The following SETD4 variants were observed in gnomAD, a reference collection of about 807,000 sequenced individuals.
SETD4 encodes SET domain containing 4, also known as SET domain-containing protein 4.
SETD4 carries 46 observed loss-of-function variants against 58.3 expected under a neutral mutation model. The observed-to-expected ratio is 0.79, with a 90% CI of 0.62 to 1.01. The LOEUF (loss-of-function observed/expected upper bound fraction) is 1.01. SETD4 is among the 50% of genes least tolerant of loss of function. The pLI, the probability that SETD4 is intolerant of heterozygous loss-of-function variation, is 0.00. For synonymous variants in SETD4, 190 were observed against 202.6 expected, an observed-to-expected ratio of 0.94 and a Z score of 0.53; for missense variants, 490 against 523.3, an observed-to-expected ratio of 0.94 and a Z score of 0.62.
At chr21:36,046,428 T>C (rs925568214) in intron 5 of SETD4, among the ~76,000 whole-genome samples, 1 of 152,212 alleles carries the variant, frequency 6.6e-6, no homozygotes, top group Non-Finnish European at 1.5e-5. Context: ...CCATCCGATA[T>C]AGTAATCACT....
intron 1 of SETD4, chr21:36,059,684 T>C: frequency 1.1e-6 from 1 of 941,068 alleles, no homozygotes; most frequent in Non-Finnish European, 1.3e-6. Context: ...CGAGACTCTG[T>C]CACAAAAAAT....
chr21:36,046,157 C>T (rs2064318608), intron 5 of SETD4, 146 bp from the exon 6 acceptor site: 9 of 836,472 alleles, frequency 1.1e-5, no homozygotes, highest in Non-Finnish European at 9.1e-6. Flanking sequence ...TCCTTCCTTC[C>T]TTCCTTAAGG....
rs760268234 is a variant in SETD4 at position 36,058,940 on chromosome 21, G to A, written c.-36-16C>T. 1 of 1,526,582 alleles carries A rather than the reference G, an allele frequency of 6.6e-7. No homozygotes were observed. The highest frequency in any genetic ancestry group is 1.3e-5 in the South Asian group (1 of 77,556). The allele number at this position is 1,526,582 out of a possible 1,614,324, so 94.6% of individuals were successfully genotyped here. A position where few individuals can be genotyped will look rare whatever the true frequency, so the allele number is the denominator to read the frequency against. On this transcript the variant is annotated splice_polypyrimidine_tract_variant and intron_variant, in intron 1 of 11. Coordinates refer to ENST00000332131, the MANE Select transcript of SETD4 (RefSeq NM_017438.5). ...AAATACAGTTCTATTTTTTCAAAAA[G>A]GACAAAACTGTAATTTCTGTGGAAA...
intron 4 of SETD4, among the ~76,000 whole-genome samples, 197 bp from the exon 5 acceptor site, chr21:36,048,593 C>T (rs994330090): frequency 6.6e-6 from 1 of 152,100 alleles, no homozygotes; most frequent in Non-Finnish European, 1.5e-5. Context: ...TGCTCCAAGG[C>T]GAGGCCCCAC....
intron 4 of SETD4, among the ~76,000 whole-genome samples, chr21:36,052,672 G>A (rs1168404884): frequency 6.6e-6 from 1 of 151,138 alleles, no homozygotes; most frequent in Admixed American, 6.6e-5. Context: ...TTTAAAATAA[G>A]ATAATTTTTA....
At chr21:36,047,900 G>A (rs1171762551) in intron 5 of SETD4, among the ~76,000 whole-genome samples, 1 of 151,664 alleles carries the variant, frequency 6.6e-6, no homozygotes, top group African/African-American at 2.4e-5. Context: ...CAGCTACTTG[G>A]GAGGCTGAGG....
intron 10 of SETD4, among the ~76,000 whole-genome samples, chr21:36,037,255 C>CT (rs2063823462): frequency 6.6e-6 from 1 of 151,886 alleles, no homozygotes; most frequent in African/African-American, 2.4e-5. Flanking sequence ...CGATGTATAC[C>CT]TATTTTAAAA....
rs1010358241 is a variant in SETD4 at position 36,034,844 on chromosome 21, A to G, written c.*1149T>C. On this transcript the variant is annotated 3_prime_UTR_variant, in exon 12 of 12. Coordinates refer to ENST00000332131, the MANE Select transcript of SETD4 (RefSeq NM_017438.5). ...GAAGTCTGCCCACTCTCCATACAGC[A>G]TATGATGAAATACACTGCATTATAC... 6.6e-6 allele frequency: 1 copy of G among 152,184 alleles called. No individual in the cohort carries two copies. Among genetic ancestry groups the G allele is most frequent in the African/African-American group, 2.4e-5 (1 of 41,452 alleles). The allele number at this position is 152,184 out of a possible 1,614,324, so 9.4% of individuals were successfully genotyped here. A position where few individuals can be genotyped will look rare whatever the true frequency, so the allele number is the denominator to read the frequency against.
At chr21:36,050,913 G>A (rs552282766) in intron 4 of SETD4, 12 of 1,610,412 alleles carry the variant, frequency 7.5e-6, no homozygotes, top group Non-Finnish European at 9.3e-6. Flanking sequence ...CTGCTCATTA[G>A]GTGGTGTGGG....
rs2063756095 is a variant in SETD4 at position 36,035,720 on chromosome 21, CGT to C, written c.*271_*272del. On this transcript the variant is annotated 3_prime_UTR_variant, in exon 12 of 12. Transcript: ENST00000332131. The stretch of plus-strand genomic sequence containing the variant: ...GCTGTGTCAGATAAGAAGCAGGCCC[CGT>C]GGTGACAGACCACACACGGACGCAG... The C allele has an allele frequency of 4.0e-6, 1 of 252,136 alleles. No homozygotes were observed. The highest frequency in any genetic ancestry group is 2.3e-5 in the African/African-American group (1 of 42,738). The allele number at this position is 252,136 out of a possible 1,614,324, so 15.6% of individuals were successfully genotyped here.
chr21:36,053,352 C>T (rs2064812152), intron 4 of SETD4: 1 of 581,860 alleles, frequency 1.7e-6, no homozygotes, highest in Admixed American at 3.0e-5. Context: ...AAGCTTGTTT[C>T]TATGAGTGAG....
At chr21:36,057,967 C>A (rs1369025124) in intron 2 of SETD4, among the ~76,000 whole-genome samples, 1 of 152,184 alleles carries the variant, frequency 6.6e-6, no homozygotes, top group Non-Finnish European at 1.5e-5. Context: ...GATGGCCAAG[C>A]ACTTTTGTAT....
intron 5 of SETD4, among the ~76,000 whole-genome samples, chr21:36,046,374 A>G (rs1488614758): frequency 6.6e-6 from 1 of 152,236 alleles, no homozygotes; most frequent in Admixed American, 6.5e-5. Context: ...GTAAAGATAT[A>G]AAATATGGTG....
rs1456971964 is a variant in SETD4, at chr21:36,045,647, CAG to C, written c.659_660del (p.Ser220CysfsTer18). On this transcript the variant is annotated frameshift_variant, in exon 6 of 12. Transcript: ENST00000332131. LOFTEE classifies it high-confidence loss of function. ...YLRPRQRECL[S>X]AEPDTCALAP... ...GCGAGTGCACAGGTGTCCGGCTCTG[CAG>C]AAAGGCATTCCCGCTGCCTGGGCCT... 6 of 1,614,144 alleles carry C rather than the reference CAG, an allele frequency of 3.7e-6. No individual in the cohort carries two copies. Among genetic ancestry groups the C allele is most frequent in the Non-Finnish European group, 5.1e-6 (6 of 1,179,998 alleles).
At position 36,050,680 on chromosome 21, in the gene SETD4, T is replaced by C. The variant is rs1001853583; in HGVS notation, c.208-2284A>G. On this transcript the variant is annotated intron_variant, in intron 4 of 11. Transcript: ENST00000332131. ...GAAGCTCAAGTACCGGAGTTCCCAA[T>C]GGTAGTAAAGAATACGCGGGGTCAT... is the stretch of plus-strand genomic sequence containing the variant. The C allele has an allele frequency of 6.2e-6, 10 of 1,602,202 alleles. No individual in the cohort carries two copies. The African/African-American group carries it at 9.4e-5, about 15-fold the overall frequency.
chr21:36,041,159 C>CAA (rs35920101), intron 8 of SETD4, among the ~76,000 whole-genome samples: 38 of 40,028 alleles, frequency 9.5e-4, no homozygotes, highest in East Asian at 2.0e-3. Flanking sequence ...GACTCCTTCT[C>CAA]AAAAAAAAAA....
chr21:36,044,978 T>A (rs968291270), intron 6 of SETD4, among the ~76,000 whole-genome samples: 3 of 152,214 alleles, frequency 2.0e-5, no homozygotes, highest in Non-Finnish European at 4.4e-5. Context: ...GGAGGCGATC[T>A]GTGACCACCT....
Position 36,035,215 on chromosome 21 carries a change from C to T in SETD4, c.*778G>A, listed in dbSNP as rs999829637. ...AGCTGTGCAGGAAGCTCTCCCCACC[C>T]AAGGTCTGCGTGGTATCAAAACTCA... On this transcript the variant is annotated 3_prime_UTR_variant, in exon 12 of 12. Coordinates refer to ENST00000332131, the MANE Select transcript of SETD4 (RefSeq NM_017438.5). 5.9e-5 allele frequency: 9 copies of T among 152,370 alleles called. No homozygotes were observed. Among genetic ancestry groups the T allele is most frequent in the Admixed American group, 1.3e-4 (2 of 15,288 alleles). 9.4% of individuals were successfully genotyped at this position (152,370 alleles called of 1,614,324 possible). A position where few individuals can be genotyped will look rare whatever the true frequency, so the allele number is the denominator to read the frequency against.
intron 9 of SETD4, among the ~76,000 whole-genome samples, chr21:36,038,799 C>T (rs1016651260): frequency 1.3e-5 from 2 of 152,086 alleles, no homozygotes; most frequent in Non-Finnish European, 2.9e-5. Flanking sequence ...TGCTCTACTA[C>T]AAAGGTTCGC....
Sources: allele counts gnomAD v4.1 joint callset (sites outside exome capture counted in the v4.1 genomes callset), GRCh38; gene constraint gnomAD v4.1.1; transcripts MANE v1.5; gene names NCBI Gene and HGNC (gene_info 2026-07-23, HGNC 2026-07-21).